The following ZNF468 variants were observed in gnomAD, a reference collection of about 807,000 sequenced individuals.
ZNF468 encodes the protein zinc finger protein ZNF468.
ZNF468 carries 8 observed loss-of-function variants against 7.2 expected under a neutral mutation model. That is an observed-to-expected ratio of 1.11 (90% CI 0.65 to 2.01). The LOEUF is 2.01. Among genes scored for constraint, ZNF468 ranks in the 30% most tolerant of loss-of-function variants. ZNF468 has a pLI of 0.00. For synonymous variants in ZNF468, 218 were observed against 214.4 expected (o/e 1.02, Z -0.15); for missense variants, 608 against 626.5 (o/e 0.97, Z 0.31).
chr19:52,856,422 C>T (rs1265957865), intron 1 of ZNF468, among the ~76,000 whole-genome samples: 4 of 150,172 alleles, frequency 2.7e-5, no homozygotes, highest in Non-Finnish European at 5.9e-5. Context: ...TGGTCCTTCT[C>T]CCCAATCTTT....
intron 1 of ZNF468, among the ~76,000 whole-genome samples, chr19:52,856,321 G>C (rs1302427965): frequency 6.6e-6 from 1 of 151,982 alleles, no homozygotes; most frequent in African/African-American, 2.4e-5. Context: ...AGGAGTTTGA[G>C]ACCAACCTGG....
chr19:52,847,679 C>G (rs1159207919), intron 3 of ZNF468, among the ~76,000 whole-genome samples: 1 of 152,124 alleles, frequency 6.6e-6, no homozygotes, highest in East Asian at 1.9e-4. Context: ...GTTACTCTTT[C>G]CTACACTGAG....
At chr19:52,848,534 T>G (rs958751898) in intron 3 of ZNF468, among the ~76,000 whole-genome samples, 50 of 152,226 alleles carry the variant, frequency 3.3e-4, no homozygotes, top group African/African-American at 1.1e-3. Context: ...CTGGATATCT[T>G]TAAAGTCTGC....
At chr19:52,857,094 G>C (rs2063446964) in intron 1 of ZNF468, among the ~76,000 whole-genome samples, 1 of 151,658 alleles carries the variant, frequency 6.6e-6, no homozygotes, top group African/African-American at 2.4e-5. Flanking sequence ...GGGAGCAGCA[G>C]GGCCCAGCAA....
chr19:52,841,617 C>T lies in ZNF468; in HGVS notation c.677G>A (p.Cys226Tyr). 1 of 1,613,916 alleles carries T rather than the reference C, an allele frequency of 6.2e-7. No individual in the cohort carries two copies. The highest frequency in any genetic ancestry group is 8.5e-7 in the Non-Finnish European group (1 of 1,179,970). ...CTGATGTTTTTTTAAGAGTGAGCTG[C>T]AATTAAAGGATTTGAAGCTCTGTAT... ...ECIQSFKSFN[C>Y]SSLLKKHQII... is the part of the protein sequence containing the mutation. The change falls in exon 4 of 4, where the codon TGC becomes TAC. Residue 226 changes from cysteine (C) to tyrosine (Y), a missense_variant. Coordinates refer to ENST00000595646, the MANE Select transcript of ZNF468 (RefSeq NM_001008801.2).
At chr19:52,845,634 G>A (rs1015176348) in intron 3 of ZNF468, among the ~76,000 whole-genome samples, 2 of 151,948 alleles carry the variant, frequency 1.3e-5, no homozygotes, top group East Asian at 1.9e-4. Context: ...ACTCCAGCCC[G>A]GGCAAGAGAG....
Position 52,841,808 on chromosome 19 carries a change from A to G in ZNF468, c.486T>C (p.Asn162=). 1 of 1,614,074 alleles carries G rather than the reference A, an allele frequency of 6.2e-7. No homozygotes were observed. Among genetic ancestry groups the G allele is most frequent in the Non-Finnish European group, 8.5e-7 (1 of 1,180,004 alleles). Residue 162 remains asparagine (N), a synonymous_variant, in exon 4 of 4, where the codon AAT becomes AAC. Coordinates refer to ENST00000595646, the MANE Select transcript of ZNF468 (RefSeq NM_001008801.2). ...HIFQSEGKIG[N]QVEKSINNAS... Reference sequence around the variant, plus strand: ...CATTGTTGATAGACTTCTCAACTTGATTACCAATTTTCCCTTCAGACTGAA... The same window carrying G: ...CATTGTTGATAGACTTCTCAACTTGGTTACCAATTTTCCCTTCAGACTGAA...
intron 1 of ZNF468, among the ~76,000 whole-genome samples, chr19:52,856,010 C>T (rs900878386): frequency 7.2e-5 from 11 of 152,144 alleles, no homozygotes; most frequent in Non-Finnish European, 1.3e-4. Context: ...TCATCCCATT[C>T]TTAAAATTAG....
intron 1 of ZNF468, among the ~76,000 whole-genome samples, chr19:52,856,607 C>G (rs945270193): frequency 6.7e-6 from 1 of 149,726 alleles, no homozygotes; most frequent in Non-Finnish European, 1.5e-5. Flanking sequence ...GCCACCAGCA[C>G]CACTCTGCTC....
At position 52,839,668 on chromosome 19, in the gene ZNF468, G is replaced by A. The variant is rs183341881; in HGVS notation, c.*1057C>T. On this transcript the variant is annotated 3_prime_UTR_variant, in exon 4 of 4. Coordinates refer to ENST00000595646, the MANE Select transcript of ZNF468 (RefSeq NM_001008801.2). The stretch of plus-strand genomic sequence containing the variant: ...CTCTGATGTCTAATGAGGTGTGAAT[G>A]TGAAGTAAACGCTTTGCCACAATCA... 1,708 of 547,780 alleles carry A rather than the reference G, an allele frequency of 3.1e-3. 9 individuals are homozygous for A. The highest frequency in any genetic ancestry group is 4.6e-3 in the Middle Eastern group (15 of 3,226). 33.9% of individuals were successfully genotyped at this position (547,780 alleles called of 1,614,324 possible).
rs1192171820 is a variant in ZNF468 at position 52,853,842 on chromosome 19, C to T, written c.15+416G>A. The T allele has an allele frequency of 8.3e-6, 10 of 1,210,252 alleles. 1 individual carries two copies. The highest frequency in any genetic ancestry group is 1.0e-5 in the Non-Finnish European group (10 of 972,798). The allele number at this position is 1,210,252 out of a possible 1,614,324, so 75.0% of individuals were successfully genotyped here. A position where few individuals can be genotyped will look rare whatever the true frequency, so the allele number is the denominator to read the frequency against. Reference sequence around the variant, plus strand: ...TATAAAATCAGGGAGAAAAGATTTTCCCTTATTGGTCTCCTTTTCTAGAAC... The same window carrying T: ...TATAAAATCAGGGAGAAAAGATTTTTCCTTATTGGTCTCCTTTTCTAGAAC... On this transcript the variant is annotated intron_variant, in intron 2 of 3. Transcript: ENST00000595646.
At chr19:52,856,676 T>TG in intron 1 of ZNF468, among the ~76,000 whole-genome samples, 1 of 143,706 alleles carries the variant, frequency 7.0e-6, no homozygotes, top group African/African-American at 2.5e-5. Context: ...CCTCCACATT[T>TG]CTGCCCCTCT....
intron 1 of ZNF468, among the ~76,000 whole-genome samples, chr19:52,857,018 G>A (rs1033972857): frequency 3.7e-4 from 56 of 152,108 alleles, no homozygotes; most frequent in African/African-American, 1.3e-3. Context: ...CCGCGTCACA[G>A]GACAAGCCCC....
At chr19:52,844,997 A>C (rs1381732584) in intron 3 of ZNF468, among the ~76,000 whole-genome samples, 1 of 152,158 alleles carries the variant, frequency 6.6e-6, no homozygotes, top group Non-Finnish European at 1.5e-5. Context: ...ACTAGCACTA[A>C]CATGTTTTAA....
chr19:52,853,841 T>G, intron 2 of ZNF468: 1 of 1,209,774 alleles, frequency 8.3e-7, no homozygotes, highest in Non-Finnish European at 1.0e-6. Context: ...GAAAAGATTT[T>G]CCCTTATTGG....
intron 1 of ZNF468, among the ~76,000 whole-genome samples, chr19:52,855,378 C>G (rs2063428294): frequency 6.6e-6 from 1 of 152,148 alleles, no homozygotes; most frequent in South Asian, 2.1e-4. Flanking sequence ...GGGACAACAA[C>G]CTGAGACAGG....
chr19:52,848,450 A>G (rs2147736191), intron 3 of ZNF468, among the ~76,000 whole-genome samples: 1 of 152,316 alleles, frequency 6.6e-6, no homozygotes, highest in Admixed American at 6.5e-5. Context: ...GGAGCACTGT[A>G]ATATGTAATA....
intron 3 of ZNF468, 31 bp downstream of exon 3, chr19:52,849,056 G>A: frequency 6.2e-7 from 1 of 1,611,418 alleles, no homozygotes; most frequent in Non-Finnish European, 8.5e-7. Context: ...AATACACAAG[G>A]GCACATCCCC....
rs2063277416 is a variant in ZNF468 at position 52,839,636 on chromosome 19, A to G, written c.*1089T>C. On this transcript the variant is annotated 3_prime_UTR_variant, in exon 4 of 4. Transcript: ENST00000595646. ...GACATTTGTAAGATTTCTGTCCAGC[A>G]TGGATTCTCTGATGTCTAATGAGGT... 1 of 550,656 alleles carries G rather than the reference A, an allele frequency of 1.8e-6. No homozygotes were observed. Among genetic ancestry groups the G allele is most frequent in the Non-Finnish European group, 3.7e-6 (1 of 271,402 alleles). The allele number at this position is 550,656 out of a possible 1,614,324, so 34.1% of individuals were successfully genotyped here.
Sources: gnomAD v4.1 joint callset for allele counts (sites outside exome capture counted in the v4.1 genomes callset) on GRCh38, gnomAD v4.1.1 for gene constraint, MANE v1.5 for transcripts, NCBI Gene and HGNC (gene_info 2026-07-23, HGNC 2026-07-21) for gene names.